Variants in DCC observed in about 807,000 individuals in gnomAD.
DCC encodes DCC netrin 1 receptor, also known as netrin receptor DCC.
Under a neutral mutation model 172.5 loss-of-function variants are expected in DCC, and 58 were observed. The ratio of observed to expected loss-of-function variants is 0.34; its 90% CI spans 0.27 to 0.42. The LOEUF (loss-of-function observed/expected upper bound fraction) is 0.42, where lower values mean the gene tolerates loss of function less well. DCC is among the 10% of genes least tolerant of loss of function. The pLI is 1.00. For missense variants in DCC, 1,740 were observed against 1,791.0 expected, an observed-to-expected ratio of 0.97 and a Z score of 0.51; for synonymous variants, 709 against 644.5, an observed-to-expected ratio of 1.10 and a Z score of -1.52.
intron 2 of DCC, among the ~76,000 whole-genome samples, chr18:52,788,819 G>T (rs1385270772): frequency 6.6e-6 from 1 of 152,128 alleles, no homozygotes; most frequent in African/African-American, 2.4e-5. Context: ...CAAAAATATT[G>T]GTGCCGTTTT....
chr18:53,006,748 A>G (rs1418538000), intron 5 of DCC, among the ~76,000 whole-genome samples: 2 of 152,216 alleles, frequency 1.3e-5, no homozygotes, highest in African/African-American at 4.8e-5. Context: ...AGCTGTTTAA[A>G]TTAATTTCAT....
At chr18:52,827,813 C>T (rs1482200230) in intron 2 of DCC, among the ~76,000 whole-genome samples, 10 of 152,116 alleles carry the variant, frequency 6.6e-5, no homozygotes, top group Admixed American at 6.6e-4. Context: ...TGAATTTACC[C>T]CTGAGGTTTC....
intron 2 of DCC, among the ~76,000 whole-genome samples, chr18:52,797,318 C>T (rs2037895163): frequency 6.6e-6 from 1 of 152,056 alleles, no homozygotes; most frequent in East Asian, 1.9e-4. Flanking sequence ...ATCATGTTTC[C>T]TTTTTTTGTT....
At position 53,505,561 on chromosome 18, in the gene DCC, T is replaced by TTG; in HGVS notation, c.4111+6051_4111+6052insTG. On this transcript the variant is annotated intron_variant, in intron 27 of 28. Coordinates refer to ENST00000442544, the MANE Select transcript of DCC (RefSeq NM_005215.4). ...AGGTTTGCCCAATTACAAGAAAATA[T>TTG]CGCATCAAGAATTGTTAGACCATAT... Among the ~76,000 whole-genome samples, 3 of 152,278 alleles carry TTG rather than the reference T, an allele frequency of 2.0e-5. No homozygotes were observed. The South Asian group carries it at 6.2e-4, about 32-fold the overall frequency.
At position 52,922,763 on chromosome 18, in the gene DCC, G is replaced by A. The variant is rs1000850860; in HGVS notation, c.698-944G>A. ...CACCCTCCTCCAAGGACTGGTTTTG[G>A]TGTGTCCCCAGGCATTATCAGTAGA... On this transcript the variant is annotated intron_variant, in intron 3 of 28. Transcript: ENST00000442544. 2.2e-4 allele frequency among the ~76,000 whole-genome samples: 34 copies of A among 152,076 alleles called. 1 individual carries two copies. Among genetic ancestry groups the A allele is most frequent in the African/African-American group, 7.2e-4 (30 of 41,424 alleles).
intron 1 of DCC, among the ~76,000 whole-genome samples, chr18:52,438,082 T>A (rs563288090): frequency 6.6e-6 from 1 of 152,332 alleles, no homozygotes; most frequent in East Asian, 1.9e-4. Context: ...GCCACTGTTA[T>A]TGCTGCTAAC....
At chr18:52,675,606 C>T (rs1457829276) in intron 1 of DCC, among the ~76,000 whole-genome samples, 1 of 152,166 alleles carries the variant, frequency 6.6e-6, no homozygotes, top group Non-Finnish European at 1.5e-5. Flanking sequence ...CATGGTCCCT[C>T]ATATTTGGCT....
intron 5 of DCC, among the ~76,000 whole-genome samples, chr18:52,967,349 A>G (rs1340792798): frequency 1.3e-5 from 2 of 152,182 alleles, no homozygotes; most frequent in African/African-American, 2.4e-5. Flanking sequence ...GCCTAGCAAT[A>G]CTATTTATTT....
At chr18:52,716,899 C>T (rs747272265) in intron 1 of DCC, among the ~76,000 whole-genome samples, 37 of 152,090 alleles carry the variant, frequency 2.4e-4, no homozygotes, top group Admixed American at 5.9e-4. Flanking sequence ...GGCCCTGAGG[C>T]ATTAAAAACA....
At chr18:53,202,597 G>A (rs2055556886) in intron 9 of DCC, among the ~76,000 whole-genome samples, 1 of 152,138 alleles carries the variant, frequency 6.6e-6, no homozygotes, top group Non-Finnish European at 1.5e-5. Flanking sequence ...TTGATAACAA[G>A]CATATTTATA....
At chr18:52,596,812 A>C (rs946778190) in intron 1 of DCC, among the ~76,000 whole-genome samples, 5 of 152,176 alleles carry the variant, frequency 3.3e-5, no homozygotes, top group Non-Finnish European at 5.9e-5. Flanking sequence ...AATCCTTCCT[A>C]CATGGCCTCT....
chr18:52,365,632 G>A (rs905355943), intron 1 of DCC, among the ~76,000 whole-genome samples: 3 of 152,140 alleles, frequency 2.0e-5, no homozygotes, highest in Admixed American at 1.3e-4. Context: ...GCTAAACTGG[G>A]TTGCAACTAA....
chr18:52,478,368 G>A (rs1989156430), intron 1 of DCC, among the ~76,000 whole-genome samples: 1 of 152,120 alleles, frequency 6.6e-6, no homozygotes, highest in Non-Finnish European at 1.5e-5. Flanking sequence ...CCCTGCTGAA[G>A]GGTTTATGAG....
rs1040032753 is a variant in DCC, at chr18:53,463,705, T to C, written c.3620-4189T>C. On this transcript the variant is annotated intron_variant, in intron 24 of 28. Transcript: ENST00000442544. ...AAATAATGTGCCCAGATTTCAGAGC[T>C]AGTATCACAGCCAGGACCAAAAAAA... is the stretch of plus-strand genomic sequence containing the variant. Among the ~76,000 whole-genome samples, 8 of 152,306 alleles carry C rather than the reference T, an allele frequency of 5.3e-5. No homozygotes were observed. In the East Asian group the frequency reaches 7.7e-4, roughly 15 times the overall value.
At chr18:53,100,575 A>C (rs2043157983) in intron 7 of DCC, among the ~76,000 whole-genome samples, 1 of 151,980 alleles carries the variant, frequency 6.6e-6, no homozygotes, top group Non-Finnish European at 1.5e-5. Context: ...AGAGTCAGAG[A>C]AAAGAAAGAT....
chr18:52,821,000 G>A (rs2038394869), intron 2 of DCC, among the ~76,000 whole-genome samples: 1 of 152,066 alleles, frequency 6.6e-6, no homozygotes, highest in Admixed American at 6.6e-5. Context: ...TAAGAAGTGG[G>A]TTTACTCTGT....
chr18:53,072,352 G>A (rs921424965), intron 7 of DCC, among the ~76,000 whole-genome samples: 1 of 152,142 alleles, frequency 6.6e-6, no homozygotes, highest in Non-Finnish European at 1.5e-5. Context: ...GCAATTATCT[G>A]GAGCTGGGGA....
At chr18:52,366,939 C>A (rs1020408446) in intron 1 of DCC, among the ~76,000 whole-genome samples, 2 of 152,246 alleles carry the variant, frequency 1.3e-5, no homozygotes, top group Non-Finnish European at 2.9e-5. Flanking sequence ...TGGGACTGGG[C>A]GCCGTGGAGC....
At chr18:53,496,640 G>T (rs1847128) in intron 26 of DCC, among the ~76,000 whole-genome samples, 8,568 of 152,200 alleles carry the variant, frequency 0.056, 804 homozygotes, top group African/African-American at 0.19. Flanking sequence ...GGCTTCAGAA[G>T]GTGGGTAATA....
Sources: gnomAD v4.1 joint callset for allele counts (sites outside exome capture counted in the v4.1 genomes callset) on GRCh38, gnomAD v4.1.1 for gene constraint, MANE v1.5 for transcripts, NCBI Gene and HGNC (gene_info 2026-07-23, HGNC 2026-07-21) for gene names.